Variants in PLEKHA8 observed in about 807,000 individuals in gnomAD.
The protein encoded by PLEKHA8 is pleckstrin homology domain containing A8.
PLEKHA8 carries 36 observed loss-of-function variants against 68.2 expected under a neutral mutation model. The observed-to-expected ratio is 0.53, with a 90% confidence interval of 0.40 to 0.70. The LOEUF (loss-of-function observed/expected upper bound fraction) is 0.70, where lower values mean the gene tolerates loss of function less well. PLEKHA8 is among the 30% of genes least tolerant of loss of function. The probability of loss-of-function intolerance (pLI) is 0.00; values close to 1 mark genes in which losing one functional copy is unlikely to be tolerated. For synonymous variants in PLEKHA8, 211 were observed against 216.1 expected, an observed-to-expected ratio of 0.98 and a Z score of 0.20; for missense variants, 505 against 615.4, an observed-to-expected ratio of 0.82 and a Z score of 1.90.
At chr7:30,039,483 C>T (rs1250681206) in intron 1 of PLEKHA8, among the ~76,000 whole-genome samples, 2 of 152,226 alleles carry the variant, frequency 1.3e-5, no homozygotes, top group East Asian at 3.9e-4. Flanking sequence ...CTGTTGCACT[C>T]CAGCCTGGGC....
chr7:30,060,384 G>A (rs549306228), intron 9 of PLEKHA8, among the ~76,000 whole-genome samples: 9 of 152,260 alleles, frequency 5.9e-5, no homozygotes, highest in Admixed American at 3.3e-4. Context: ...GTTGCAGTGA[G>A]CCGAGATCAT....
chr7:30,118,088 C>T (rs1796625197), intron 13 of PLEKHA8: 12 of 1,388,524 alleles, frequency 8.6e-6, no homozygotes, highest in South Asian at 3.0e-5. Context: ...ATCTGGGTGA[C>T]GCCTCTCTCC....
rs114227753 is a variant in PLEKHA8, at chr7:30,077,973, G to A, written c.1363-617G>A. Among the ~76,000 whole-genome samples, 1,355 of 152,178 alleles carry A rather than the reference G, an allele frequency of 8.9e-3. 21 individuals carry two copies. The highest frequency in any genetic ancestry group is 0.031 in the African/African-American group (1,297 of 41,510). ...CCCTGGCACTCATTAGCTGTATGACGTTTATATATAAAATAGAGATATAAA... is the reference window on the plus strand; with the variant it reads ...CCCTGGCACTCATTAGCTGTATGACATTTATATATAAAATAGAGATATAAA... On this transcript the variant is annotated intron_variant, in intron 13 of 13. Coordinates refer to ENST00000449726, the MANE Select transcript of PLEKHA8 (RefSeq NM_001197026.2).
intron 12 of PLEKHA8, 132 bp from the exon 13 acceptor site, chr7:30,073,939 T>C (rs1794432681): frequency 3.2e-6 from 2 of 618,776 alleles, no homozygotes; most frequent in Admixed American, 6.5e-5. Flanking sequence ...GCAACTATTA[T>C]CACACCACTG....
chr7:30,064,848 C>T (rs566567632), intron 12 of PLEKHA8, among the ~76,000 whole-genome samples: 69 of 152,206 alleles, frequency 4.5e-4, no homozygotes, highest in African/African-American at 8.9e-4. Flanking sequence ...CAGTGGACTC[C>T]GCTTGTCTCA....
rs1794786831 is a variant in PLEKHA8 at position 30,079,034 on chromosome 7, G to A, written c.*247G>A. The A allele has an allele frequency of 1.6e-6, 2 of 1,260,164 alleles. No individual in the cohort carries two copies. Among genetic ancestry groups the A allele is most frequent in the Non-Finnish European group, 2.0e-6 (2 of 1,001,846 alleles). 78.1% of individuals were successfully genotyped at this position (1,260,164 alleles called of 1,614,324 possible). Reference sequence around the variant, plus strand: ...CCAAATGATAAGCTGCTGTAGACTTGAACAGCAAGTTATAAGAGCAGATTT... The same window carrying A: ...CCAAATGATAAGCTGCTGTAGACTTAAACAGCAAGTTATAAGAGCAGATTT... On this transcript the variant is annotated 3_prime_UTR_variant, in exon 14 of 14. Coordinates refer to ENST00000449726, the MANE Select transcript of PLEKHA8 (RefSeq NM_001197026.2).
chr7:30,031,643 A>G (rs1336229388), intron 1 of PLEKHA8, among the ~76,000 whole-genome samples: 1 of 152,214 alleles, frequency 6.6e-6, no homozygotes, highest in East Asian at 1.9e-4. Context: ...GGGTACATGC[A>G]TGCATGCGTC....
downstream of PLEKHA8, among the ~76,000 whole-genome samples, chr7:30,089,285 C>T (rs565779877): frequency 6.6e-6 from 1 of 152,204 alleles, no homozygotes; most frequent in African/African-American, 2.4e-5. Flanking sequence ...AATCACTTAT[C>T]CAAGTGTCTC....
intron 13 of PLEKHA8, among the ~76,000 whole-genome samples, chr7:30,126,591 T>C (rs1796775440): frequency 1.3e-5 from 2 of 152,252 alleles, no homozygotes; most frequent in African/African-American, 4.8e-5. Flanking sequence ...AGACTACTTT[T>C]GTAAATTGTA....
At chr7:30,111,181 G>A (rs557145865) in intron 13 of PLEKHA8, among the ~76,000 whole-genome samples, 4 of 152,030 alleles carry the variant, frequency 2.6e-5, no homozygotes, top group Admixed American at 1.3e-4. Context: ...TGGATTACAC[G>A]CATGAGCCAT....
chr7:30,112,377 C>A (rs2128018149), intron 13 of PLEKHA8, among the ~76,000 whole-genome samples: 1 of 151,012 alleles, frequency 6.6e-6, no homozygotes, highest in East Asian at 1.9e-4. Context: ...AAAAAGATAA[C>A]TCCTTAAAAA....
intron 13 of PLEKHA8, among the ~76,000 whole-genome samples, chr7:30,116,149 T>C (rs1171913399): frequency 1.3e-5 from 2 of 151,392 alleles, no homozygotes; most frequent in Non-Finnish European, 3.0e-5. Flanking sequence ...TACATACGCA[T>C]ACATACACGT....
chr7:30,036,391 A>AGATAG (rs1199975528), intron 1 of PLEKHA8, among the ~76,000 whole-genome samples: 3 of 151,432 alleles, frequency 2.0e-5, no homozygotes, highest in African/African-American at 2.4e-5. Context: ...TGTCTCAGGT[A>AGATAG]GATAGGATAG....
At position 30,049,370 on chromosome 7, in the gene PLEKHA8, CAAGTCCAGCAAGGTAA is replaced by C. The variant is rs1239768194; in HGVS notation, c.595_597+13del. 6.2e-7 allele frequency: 1 copy of C among 1,613,626 alleles called. No individual in the cohort carries two copies. The highest frequency in any genetic ancestry group is 8.5e-7 in the Non-Finnish European group (1 of 1,179,800). ...CAGGATCACCTCAGCTGGCCATGCT[CAAGTCCAGCAAGGTAA>C]AAGTCCAGCTCAGTTTGGCTGCAAC... On this transcript the variant is annotated splice_donor_variant and splice_donor_region_variant and coding_sequence_variant and intron_variant, in exon 5 of 14. Transcript: ENST00000449726. LOFTEE classifies it high-confidence loss of function.
intron 13 of PLEKHA8, chr7:30,129,156 C>A: frequency 6.7e-7 from 1 of 1,482,286 alleles, no homozygotes; most frequent in Non-Finnish European, 9.4e-7. Context: ...TGAAAAACTA[C>A]TGATACAAAG....
rs575371446 is a variant in PLEKHA8 at position 30,062,372 on chromosome 7, G to T, written c.1230-300G>T. 1.1e-3 allele frequency among the ~76,000 whole-genome samples: 161 copies of T among 152,204 alleles called. 1 individual carries two copies. The highest frequency in any genetic ancestry group is 2.4e-3 in the Admixed American group (37 of 15,284). ...GAAACAGTTTCTGATTCAGTAACTC[G>T]GGTGGGGCCCCAGAATTTGCATTTC... On this transcript the variant is annotated intron_variant, in intron 11 of 13. Transcript: ENST00000449726.
At position 30,080,479 on chromosome 7, in the gene PLEKHA8, A is replaced by G. The variant is rs1158825125; in HGVS notation, c.*1692A>G. 2.2e-5 allele frequency: 22 copies of G among 985,216 alleles called. No homozygotes were observed. Among genetic ancestry groups the G allele is most frequent in the Non-Finnish European group, 2.5e-5 (21 of 829,918 alleles). The allele number at this position is 985,216 out of a possible 1,614,324, so 61.0% of individuals were successfully genotyped here. On this transcript the variant is annotated 3_prime_UTR_variant, in exon 14 of 14. Coordinates refer to ENST00000449726, the MANE Select transcript of PLEKHA8 (RefSeq NM_001197026.2). ...GCTGTTCCTGCTGCAGATCTCTAGG[A>G]TGGAGAGAATTCTCTCTTTAGTCAG...
intron 9 of PLEKHA8, among the ~76,000 whole-genome samples, chr7:30,058,222 A>C (rs1018937175): frequency 2.0e-5 from 3 of 152,134 alleles, no homozygotes; most frequent in Admixed American, 6.5e-5. Context: ...TAGACATGTG[A>C]ATATTTTCCC....
chr7:30,129,131 GA>G (rs1473034502), intron 13 of PLEKHA8: 2 of 1,271,224 alleles, frequency 1.6e-6, no homozygotes, highest in Admixed American at 3.8e-5. Flanking sequence ...TAAGATTCTG[GA>G]AAATATACCT....
Sources: allele counts gnomAD v4.1 joint callset (sites outside exome capture counted in the v4.1 genomes callset), GRCh38; gene constraint gnomAD v4.1.1; transcripts MANE v1.5; gene names NCBI Gene and HGNC (gene_info 2026-07-23, HGNC 2026-07-21).